The following ZBTB20 variants were observed in gnomAD, a reference collection of about 807,000 sequenced individuals.
The protein encoded by ZBTB20 is zinc finger and BTB domain containing 20.
Under a neutral mutation model 56.9 loss-of-function variants are expected in ZBTB20, and 9 were observed. That is an observed-to-expected ratio of 0.16 (90% CI 0.10 to 0.28). The LOEUF (loss-of-function observed/expected upper bound fraction) is 0.28. Among genes scored for constraint, ZBTB20 ranks in the 10% least tolerant of loss-of-function variants. ZBTB20 has a pLI of 1.00. For synonymous variants in ZBTB20, 417 were observed against 420.7 expected, an observed-to-expected ratio of 0.99 and a Z score of 0.11; for missense variants, 655 against 1,003.0, an observed-to-expected ratio of 0.65 and a Z score of 4.69.
intron 1 of ZBTB20, among the ~76,000 whole-genome samples, chr3:115,072,992 C>T (rs2082464854): frequency 6.6e-6 from 1 of 152,072 alleles, no homozygotes; most frequent in African/African-American, 2.4e-5. Context: ...TAATATTTAC[C>T]TCACAGTTTA....
chr3:114,781,973 C>T (rs887310690), intron 5 of ZBTB20, among the ~76,000 whole-genome samples: 3 of 152,140 alleles, frequency 2.0e-5, no homozygotes, highest in Non-Finnish European at 4.4e-5. Flanking sequence ...ATTACCCAGT[C>T]TTGCATGTCT....
intron 1 of ZBTB20, among the ~76,000 whole-genome samples, chr3:115,083,704 G>A (rs1353309023): frequency 6.6e-6 from 1 of 151,870 alleles, no homozygotes; most frequent in African/African-American, 2.4e-5. Context: ...TGTCCAGCAG[G>A]CTCATTGGCC....
At chr3:115,117,242 T>A (rs2084045807) in intron 1 of ZBTB20, among the ~76,000 whole-genome samples, 1 of 152,164 alleles carries the variant, frequency 6.6e-6, no homozygotes, top group Non-Finnish European at 1.5e-5. Flanking sequence ...AGCATTGGCA[T>A]ACCTAATATT....
At position 115,113,358 on chromosome 3, in the gene ZBTB20, C is replaced by A. The variant is rs569020412; in HGVS notation, c.-703+33861G>T. 1.8e-4 allele frequency among the ~76,000 whole-genome samples: 28 copies of A among 152,344 alleles called. No homozygotes were observed. The South Asian group carries it at 4.8e-3, about 26-fold the overall frequency. On this transcript the variant is annotated intron_variant, in intron 1 of 11. Transcript: ENST00000675478. ...TTGATGGGTGAATTCCTCTTCCAGG[C>A]ACTCTTTCTATGGTAGAAGTTAAAA...
In ZBTB20 at chr3:114,573,311, G is replaced by A. The variant is rs181237355; in HGVS notation, c.-294-72920C>T. Among the ~76,000 whole-genome samples, 9 of 151,874 alleles carry A rather than the reference G, an allele frequency of 5.9e-5. No individual in the cohort carries two copies. The East Asian group carries it at 1.7e-3, about 29-fold the overall frequency. On this transcript the variant is annotated intron_variant, in intron 6 of 11. Transcript: ENST00000675478. ...CCTGTCTCTACTAAAATACAAAAAAGTAGCTGGGCTTGGTGGCACGCCCCT... is the reference window on the plus strand; with the variant it reads ...CCTGTCTCTACTAAAATACAAAAAAATAGCTGGGCTTGGTGGCACGCCCCT...
chr3:114,393,986 T>A (rs1473650894), intron 7 of ZBTB20, among the ~76,000 whole-genome samples: 1 of 152,210 alleles, frequency 6.6e-6, no homozygotes, highest in African/African-American at 2.4e-5. Context: ...TTTCTGCAGA[T>A]GTCTACTTTG....
intron 7 of ZBTB20, among the ~76,000 whole-genome samples, chr3:114,494,192 C>T (rs941948119): frequency 1.3e-5 from 2 of 152,208 alleles, no homozygotes; most frequent in African/African-American, 2.4e-5. Context: ...ATTAGTTGAA[C>T]AAGAAACTAG....
At chr3:114,588,220 A>C (rs1232973640) in intron 6 of ZBTB20, among the ~76,000 whole-genome samples, 1 of 152,238 alleles carries the variant, frequency 6.6e-6, no homozygotes, top group Non-Finnish European at 1.5e-5. Flanking sequence ...AACTTTGCAC[A>C]GAATGTATCC....
chr3:114,804,237 CA>C (rs2071933470), intron 4 of ZBTB20, among the ~76,000 whole-genome samples: 1 of 151,606 alleles, frequency 6.6e-6, no homozygotes, highest in Admixed American at 6.6e-5. Context: ...AAAAACAAAA[CA>C]AAACAAAACC....
intron 6 of ZBTB20, among the ~76,000 whole-genome samples, chr3:114,564,211 C>A (rs1372291746): frequency 6.6e-6 from 1 of 152,082 alleles, no homozygotes; most frequent in Non-Finnish European, 1.5e-5. Flanking sequence ...CCCTTATAAT[C>A]ATATTAGGCC....
chr3:114,973,794 G>T (rs2077984866), intron 3 of ZBTB20, among the ~76,000 whole-genome samples: 1 of 152,018 alleles, frequency 6.6e-6, no homozygotes, highest in African/African-American at 2.4e-5. Flanking sequence ...TGTCTAAGAA[G>T]CCTCCTTCAA....
chr3:115,140,164 C>T (rs187294564), intron 1 of ZBTB20, among the ~76,000 whole-genome samples: 9 of 151,810 alleles, frequency 5.9e-5, no homozygotes, highest in Admixed American at 2.0e-4. Flanking sequence ...GGTGGAGATC[C>T]GCATAGATTA....
intron 1 of ZBTB20, among the ~76,000 whole-genome samples, chr3:115,138,530 C>T (rs533981344): frequency 2.6e-5 from 4 of 152,148 alleles, no homozygotes; most frequent in Middle Eastern, 3.4e-3. Context: ...GAGTTAAAAT[C>T]GTCCCAGAAT....
At chr3:114,459,008 T>TACAA (rs1191395776) in intron 7 of ZBTB20, among the ~76,000 whole-genome samples, 72 of 152,290 alleles carry the variant, frequency 4.7e-4, no homozygotes, top group Admixed American at 3.9e-4. Context: ...TACATTTGTA[T>TACAA]GAATAAGTCA....
intron 3 of ZBTB20, among the ~76,000 whole-genome samples, chr3:114,947,344 T>C (rs958078486): frequency 1.4e-5 from 2 of 146,138 alleles, no homozygotes; most frequent in Non-Finnish European, 3.0e-5. Context: ...ATACCAAAAA[T>C]ATACTTACAC....
At chr3:114,784,516 T>A (rs1036881628) in intron 5 of ZBTB20, among the ~76,000 whole-genome samples, 11 of 152,214 alleles carry the variant, frequency 7.2e-5, no homozygotes, top group Non-Finnish European at 1.5e-5. Flanking sequence ...AGTGAAAATG[T>A]CCTCAAGATA....
chr3:114,872,907 A>G (rs1487222013), intron 4 of ZBTB20, among the ~76,000 whole-genome samples: 1 of 152,170 alleles, frequency 6.6e-6, no homozygotes, highest in African/African-American at 2.4e-5. Context: ...AGAACTCTGT[A>G]TGATTTCAAG....
At chr3:114,924,982 T>C (rs903102091) in intron 3 of ZBTB20, among the ~76,000 whole-genome samples, 5 of 137,746 alleles carry the variant, frequency 3.6e-5, no homozygotes, top group African/African-American at 1.3e-4. Flanking sequence ...TGGTTCTTCT[T>C]TTTTTTTTTT....
intron 7 of ZBTB20, among the ~76,000 whole-genome samples, chr3:114,492,719 T>C (rs1205336838): frequency 6.6e-6 from 1 of 152,248 alleles, no homozygotes; most frequent in Non-Finnish European, 1.5e-5. Context: ...AAGATAATTT[T>C]AGATTAACGT....
Sources: gnomAD v4.1 joint callset for allele counts (sites outside exome capture counted in the v4.1 genomes callset) on GRCh38, gnomAD v4.1.1 for gene constraint, MANE v1.5 for transcripts, NCBI Gene and HGNC (gene_info 2026-07-23, HGNC 2026-07-21) for gene names.